The following EIF4G1 variants were observed in gnomAD, a reference collection of about 807,000 sequenced individuals.
EIF4G1 encodes EIF4-gamma.
Under a neutral mutation model 187.8 loss-of-function variants are expected in EIF4G1, and 4 were observed. The observed-to-expected ratio is 0.02, with a 90% CI of 0.01 to 0.05. The LOEUF (loss-of-function observed/expected upper bound fraction) is 0.05. Ranked by LOEUF, EIF4G1 falls within the 10% of genes least tolerant of loss-of-function variation. The pLI, the probability that EIF4G1 is intolerant of heterozygous loss-of-function variation, is 1.00. For synonymous variants in EIF4G1, 844 were observed against 781.4 expected (o/e 1.08, Z -1.34); for missense variants, 1,647 against 2,081.1 (o/e 0.79, Z 4.06).
At chr3:184,330,159 G>A (rs1725767741) in intron 28 of EIF4G1, among the ~76,000 whole-genome samples, 1 of 152,074 alleles carries the variant, frequency 6.6e-6, no homozygotes, top group South Asian at 2.1e-4. Context: ...GGTGGATCAC[G>A]TGAGGTCAGG....
intron 22 of EIF4G1, 68 bp downstream of exon 22, chr3:184,326,697 G>C: frequency 1.3e-6 from 2 of 1,571,708 alleles, no homozygotes; most frequent in Admixed American, 3.4e-5. Flanking sequence ...AGCCTTTTCT[G>C]TTAGGGAGGC....
chr3:184,334,932 G>C lies in EIF4G1; in HGVS notation c.*24G>C. On this transcript the variant is annotated 3_prime_UTR_variant, in exon 33 of 33. Transcript: ENST00000346169. The surrounding 1 kb of genome is among the most constrained non-coding windows in gnomAD (Gnocchi z 5.8). ...GAGGGCTGGTGGGGCCGGGGACCTGGAGCCCCATGGACACACAGATGGCCC... is the reference window on the plus strand; with the variant it reads ...GAGGGCTGGTGGGGCCGGGGACCTGCAGCCCCATGGACACACAGATGGCCC... The C allele has an allele frequency of 6.2e-7, 1 of 1,613,140 alleles. No individual in the cohort carries two copies. Among genetic ancestry groups the C allele is most frequent in the African/African-American group, 1.3e-5 (1 of 75,006 alleles).
Position 184,325,651 on chromosome 3 carries a change from G to A in EIF4G1, c.3121+12G>A. On this transcript the variant is annotated intron_variant, in intron 20 of 32. Coordinates refer to ENST00000346169, the MANE Select transcript of EIF4G1 (RefSeq NM_198241.3). This position sits in a 1 kb window ranked among gnomAD's most constrained non-coding sequence, Gnocchi z 5.2. ...AGGCCCTCCCATCAGTGAGTTCCAA[G>A]CTGGGATTGAGAAGGGAGCAGTGAA... The A allele has an allele frequency of 1.2e-6, 2 of 1,614,176 alleles. No individual in the cohort carries two copies. Among genetic ancestry groups the A allele is most frequent in the Non-Finnish European group, 1.7e-6 (2 of 1,180,052 alleles).
intron 10 of EIF4G1, 28 bp from the exon 11 acceptor site, chr3:184,322,334 A>G (rs775064311): frequency 1.8e-5 from 29 of 1,602,584 alleles, no homozygotes; most frequent in Non-Finnish European, 2.3e-5. Context: ...GCAAAGATCC[A>G]TGCTTTTATT....
intron 3 of EIF4G1, 106 bp downstream of exon 3, chr3:184,315,962 G>A (rs1553845697): frequency 6.6e-7 from 1 of 1,510,656 alleles, no homozygotes; most frequent in East Asian, 2.5e-5. Context: ...GCAGCCGCCT[G>A]CTGCCAAATT....
intron 6 of EIF4G1, among the ~76,000 whole-genome samples, chr3:184,319,459 G>GTGTGTGTT (rs879498827): frequency 8.1e-5 from 2 of 24,632 alleles, no homozygotes; most frequent in Admixed American, 7.2e-4. Context: ...GTGTGTGTGT[G>GTGTGTGTT]TGTGTGTTTG....
chr3:184,328,493 T>G, intron 26 of EIF4G1, 138 bp from the exon 27 acceptor site: 1 of 1,243,980 alleles, frequency 8.0e-7, no homozygotes, highest in Non-Finnish European at 1.2e-6. Context: ...AGAGGTGGCC[T>G]TAGCTTGAAA....
At position 184,322,395 on chromosome 3, in the gene EIF4G1, T is replaced by C. The variant is rs1724065581; in HGVS notation, c.1553T>C (p.Ile518Thr). 1.2e-6 allele frequency: 2 copies of C among 1,614,094 alleles called. No individual in the cohort carries two copies. Among genetic ancestry groups the C allele is most frequent in the Non-Finnish European group, 1.7e-6 (2 of 1,180,010 alleles). The change falls in exon 11 of 33, where the codon ATT (isoleucine) becomes ACT (threonine). Residue 518 changes from isoleucine (I) to threonine (T), a missense_variant. Physicochemically the swap from Ile to Thr is moderately conservative, Grantham distance 89. Coordinates refer to ENST00000346169, the MANE Select transcript of EIF4G1 (RefSeq NM_198241.3). ...TCTGTGCCAAAGAGGAGACGGAAAA[T>C]TAAGGAGCTAAATAAGAAGGAGGCT... The part of the protein sequence containing the change: ...AVSVPKRRRK[I>T]KELNKKEAVG...
In EIF4G1 at chr3:184,322,458, A is replaced by G. The variant is rs765434007; in HGVS notation, c.1608+8A>G. The G allele has an allele frequency of 3.7e-6, 6 of 1,614,090 alleles. No individual in the cohort carries two copies. Among genetic ancestry groups the G allele is most frequent in the Non-Finnish European group, 5.1e-6 (6 of 1,180,012 alleles). ...CTGGATGCCTTCAAGGAGGTAAGGGAGCAGAAAATGGGAGGGGAGAGGGCC... is the reference window on the plus strand; with the variant it reads ...CTGGATGCCTTCAAGGAGGTAAGGGGGCAGAAAATGGGAGGGGAGAGGGCC... On this transcript the variant is annotated splice_region_variant and intron_variant, in intron 11 of 32. Transcript: ENST00000346169.
In EIF4G1 at chr3:184,328,747, A is replaced by G. The variant is rs758815261; in HGVS notation, c.4070A>G (p.Glu1357Gly). ...CAGGAAGGTGGGGTGCCCATGGGGG[A>G]GCTGTTCAGGTAAGTCCCCCTGGGT... ...ILQEGGVPMG[E>G]LFREITKPLR... The change falls in exon 27 of 33, where the codon GAG (glutamate) becomes GGG (glycine). Residue 1357 changes from glutamate (E) to glycine (G), a missense_variant. Physicochemically the swap from Glu to Gly is moderately conservative, Grantham distance 98. Coordinates refer to ENST00000346169, the MANE Select transcript of EIF4G1 (RefSeq NM_198241.3). 1 of 1,613,978 alleles carries G rather than the reference A, an allele frequency of 6.2e-7. No homozygotes were observed. The highest frequency in any genetic ancestry group is 1.1e-5 in the South Asian group (1 of 91,068).
Position 184,320,949 on chromosome 3 carries a change from A to G in EIF4G1, c.653A>G (p.Gln218Arg). The G allele has an allele frequency of 1.2e-6, 2 of 1,614,184 alleles. No individual in the cohort carries two copies. The highest frequency in any genetic ancestry group is 8.5e-7 in the Non-Finnish European group (1 of 1,180,030). ...PPQTGGGLEP[Q>R]ANGETPQVAV... ...CAGACGGGAGGCGGTCTGGAGCCTCAAGCTAATGGGGAGACGCCCCAGGTT... is the reference window on the plus strand; with the variant it reads ...CAGACGGGAGGCGGTCTGGAGCCTCGAGCTAATGGGGAGACGCCCCAGGTT... The change falls in exon 9 of 33, where the codon CAA becomes CGA. Residue 218 changes from glutamine (Q) to arginine (R), a missense_variant. By Grantham distance (43) the Gln-to-Arg change is conservative. Around this residue, in one of 11 missense-constraint regions of EIF4G1, gnomAD observed 522 missense variants for 485.2 expected, o/e 1.08. Transcript: ENST00000346169.
At position 184,322,439 on chromosome 3, in the gene EIF4G1, G is replaced by T; in HGVS notation, c.1597G>T (p.Ala533Ser). Residue 533 changes from alanine to serine, a missense_variant, in exon 11 of 33, where the codon GCC becomes TCC. Ala to Ser is a moderately conservative substitution (Grantham distance 99). Coordinates refer to ENST00000346169, the MANE Select transcript of EIF4G1 (RefSeq NM_198241.3). ...GGAGGCTGTTGGAGACCTTCTGGATGCCTTCAAGGAGGTAAGGGAGCAGAA... is the reference window on the plus strand; with the variant it reads ...GGAGGCTGTTGGAGACCTTCTGGATTCCTTCAAGGAGGTAAGGGAGCAGAA... ...KKEAVGDLLD[A>S]FKEANPAVPE... 1 of 1,614,180 alleles carries T rather than the reference G, an allele frequency of 6.2e-7. No individual in the cohort carries two copies. The highest frequency in any genetic ancestry group is 8.5e-7 in the Non-Finnish European group (1 of 1,180,030).
chr3:184,335,276 TG>T lies in EIF4G1; in HGVS notation c.*369del. 1 of 274,332 alleles carries T rather than the reference TG, an allele frequency of 3.6e-6. No individual in the cohort carries two copies. Among genetic ancestry groups the T allele is most frequent in the Non-Finnish European group, 7.2e-6 (1 of 139,690 alleles). 17.0% of individuals were successfully genotyped at this position (274,332 alleles called of 1,614,324 possible). ...TGCTGGGGGCATATGCCCCAGCCCC[TG>T]TACCACCCCTGCTGTTGCCTGGGCA... On this transcript the variant is annotated 3_prime_UTR_variant, in exon 33 of 33. Coordinates refer to ENST00000346169, the MANE Select transcript of EIF4G1 (RefSeq NM_198241.3).
At chr3:184,331,144 C>T (rs1726019171) in intron 28 of EIF4G1, 122 bp from the exon 29 acceptor site, 1 of 1,057,814 alleles carries the variant, frequency 9.5e-7, no homozygotes, top group Non-Finnish European at 1.5e-6. Flanking sequence ...CTATAGCATC[C>T]TTAATGCCTA....
At chr3:184,315,203 C>T (rs139965816) in intron 1 of EIF4G1, 34 of 357,790 alleles carry the variant, frequency 9.5e-5, no homozygotes, top group African/African-American at 5.1e-4. Context: ...CCGCCGCCCG[C>T]CTGGCCTTTT....
In EIF4G1 at chr3:184,326,611, G is replaced by A. The variant is rs781288612; in HGVS notation, c.3307G>A (p.Ala1103Thr). The stretch of plus-strand genomic sequence containing the variant: ...CAAGGGCAGCAGCGGAGGCTCAGGA[G>A]CCAAGCCCTCAGACGCAGGTATGGA... ...WGKGSSGGSG[A>T]KPSDAASEAA... The change falls in exon 22 of 33, where the codon GCC (alanine) becomes ACC (threonine). Residue 1103 changes from alanine to threonine, a missense_variant. By Grantham distance (58) the Ala-to-Thr change is moderately conservative (BLOSUM62 0). This residue lies in a region of EIF4G1 where 142 missense variants were observed against 296.6 expected (regional missense o/e 0.48). Transcript: ENST00000346169. The A allele has an allele frequency of 1.2e-6, 2 of 1,610,844 alleles. No homozygotes were observed. Among genetic ancestry groups the A allele is most frequent in the Middle Eastern group, 1.6e-4 (1 of 6,062 alleles).
At chr3:184,317,634 C>G in intron 5 of EIF4G1, 83 bp from the exon 6 acceptor site, 1 of 1,533,318 alleles carries the variant, frequency 6.5e-7, no homozygotes, top group Non-Finnish European at 9.0e-7. Flanking sequence ...CTTGTCTTGT[C>G]TTGACCTATG....
chr3:184,317,424 G>A lies in EIF4G1; in HGVS notation c.251G>A (p.Gly84Glu). The A allele has an allele frequency of 6.2e-7, 1 of 1,614,104 alleles. No homozygotes were observed. The highest frequency in any genetic ancestry group is 8.5e-7 in the Non-Finnish European group (1 of 1,180,014). ...PGPAAHVYPAGSQVMMIPSQI... is the reference protein window; with the variant it reads ...PGPAAHVYPAESQVMMIPSQI... ...CCAGCTGCCCATGTCTACCCTGCTG[G>A]ATCCCAAGTAATGATGATCCCTTCC... The change falls in exon 5 of 33, where the codon GGA (glycine) becomes GAA (glutamate). Residue 84 changes from glycine to glutamate, a missense_variant. Physicochemically the swap from Gly to Glu is moderately conservative, Grantham distance 98. This residue lies in a region of EIF4G1 where 139 missense variants were observed against 187.3 expected (regional missense o/e 0.74). Transcript: ENST00000346169.
intron 26 of EIF4G1, 142 bp downstream of exon 26, chr3:184,328,144 G>A (rs1442426480): frequency 5.1e-6 from 5 of 986,800 alleles, no homozygotes; most frequent in Non-Finnish European, 7.8e-6. Flanking sequence ...TGCACTTTGG[G>A]AGGCCAAGGT....
Sources: allele counts gnomAD v4.1 joint callset (sites outside exome capture counted in the v4.1 genomes callset), GRCh38; gene constraint gnomAD v4.1.1; regional missense constraint gnomAD v4.1.1; non-coding constraint Gnocchi (gnomAD v3.1); transcripts MANE v1.5; gene names NCBI Gene and HGNC (gene_info 2026-07-23, HGNC 2026-07-21).